CCDC85A: variants seen among roughly 807,000 people sequenced by gnomAD.
CCDC85A encodes the protein coiled-coil domain containing 85A.
CCDC85A carries 38 observed loss-of-function variants against 50.2 expected under a neutral mutation model. The ratio of observed to expected loss-of-function variants is 0.76; its 90% CI spans 0.58 to 0.99. CCDC85A has a LOEUF of 0.99. Among genes scored for constraint, CCDC85A ranks in the 50% least tolerant of loss-of-function variants. The pLI is 0.00. For missense variants in CCDC85A, 820 were observed against 742.0 expected (o/e 1.11, Z -1.22); for synonymous variants, 366 against 301.4 (o/e 1.21, Z -2.22).
rs576188186 is a variant in CCDC85A, at chr2:56,296,664, A to G, written c.1241-46215A>G. Among the ~76,000 whole-genome samples the G allele has an allele frequency of 2.0e-3, 304 of 152,298 alleles. 1 individual carries two copies. The highest frequency in any genetic ancestry group is 3.6e-3 in the Non-Finnish European group (247 of 68,032). On this transcript the variant is annotated intron_variant, in intron 2 of 5. Coordinates refer to ENST00000407595, the MANE Select transcript of CCDC85A (RefSeq NM_001080433.2). ...TTACAAAAGAGACATAGGACAGAACACCTGGGTTGTACATCTGGGGCATGA... is the reference window on the plus strand; with the variant it reads ...TTACAAAAGAGACATAGGACAGAACGCCTGGGTTGTACATCTGGGGCATGA...
chr2:56,356,890 A>G (rs1416453143), intron 3 of CCDC85A, among the ~76,000 whole-genome samples: 1 of 151,962 alleles, frequency 6.6e-6, no homozygotes, highest in Non-Finnish European at 1.5e-5. Context: ...TAACATGGTG[A>G]AACCCCATCT....
chr2:56,330,920 C>G lies in CCDC85A; in HGVS notation c.1241-11959C>G, dbSNP rs188372827. On this transcript the variant is annotated intron_variant, in intron 2 of 5. Transcript: ENST00000407595. ...TCATCATATCAAAAAGGTACCTGCA[C>G]TTGTATATTTATAGTAGCACATTTC... Among the ~76,000 whole-genome samples, 47 of 152,188 alleles carry G rather than the reference C, an allele frequency of 3.1e-4. 1 individual carries two copies. Among genetic ancestry groups the G allele is most frequent in the African/African-American group, 1.0e-3 (43 of 41,518 alleles).
intron 2 of CCDC85A, among the ~76,000 whole-genome samples, chr2:56,321,562 A>G (rs941841419): frequency 2.0e-5 from 3 of 152,200 alleles, no homozygotes; most frequent in Non-Finnish European, 2.9e-5. Context: ...AGAGAATACA[A>G]TACCTAGGAA....
chr2:56,194,198 G>C (rs144929666), intron 2 of CCDC85A, among the ~76,000 whole-genome samples: 1 of 152,224 alleles, frequency 6.6e-6, no homozygotes, highest in East Asian at 1.9e-4. Context: ...AAAATGTACA[G>C]ATGTGTTTGG....
Position 56,192,358 on chromosome 2 carries a change from C to T in CCDC85A, c.277-119C>T, listed in dbSNP as rs1480988398. The T allele has an allele frequency of 3.5e-6, 5 of 1,427,576 alleles. No homozygotes were observed. Among genetic ancestry groups the T allele is most frequent in the Non-Finnish European group, 4.7e-6 (5 of 1,061,926 alleles). 88.4% of individuals were successfully genotyped at this position (1,427,576 alleles called of 1,614,324 possible). A position where few individuals can be genotyped will look rare whatever the true frequency, so the allele number is the denominator to read the frequency against. Reference sequence around the variant, plus strand: ...TCTTCAGCTTCCTCCTACTCCCTCACCTCCTCCCCTAACCTCACAGGTAAT... The same window carrying T: ...TCTTCAGCTTCCTCCTACTCCCTCATCTCCTCCCCTAACCTCACAGGTAAT... On this transcript the variant is annotated intron_variant, in intron 1 of 5. Transcript: ENST00000407595. This position sits in a 1 kb window ranked among gnomAD's most constrained non-coding sequence, Gnocchi z 4.7.
intron 2 of CCDC85A, among the ~76,000 whole-genome samples, chr2:56,312,153 T>C (rs1365462781): frequency 1.3e-5 from 2 of 152,072 alleles, no homozygotes; most frequent in Non-Finnish European, 2.9e-5. Context: ...TGCAGACTAA[T>C]TTTTGAGGTG....
chr2:56,195,019 G>C (rs909137842), intron 2 of CCDC85A, among the ~76,000 whole-genome samples: 1 of 152,194 alleles, frequency 6.6e-6, no homozygotes, highest in East Asian at 1.9e-4. Flanking sequence ...TAATGGGAAG[G>C]TAAAGTTAAT....
intron 2 of CCDC85A, among the ~76,000 whole-genome samples, chr2:56,230,741 C>T (rs1448817129): frequency 2.6e-5 from 4 of 152,104 alleles, no homozygotes; most frequent in East Asian, 1.9e-4. Context: ...AAATTTATTT[C>T]GTTTTTTAAC....
chr2:56,288,824 A>C (rs932527950), intron 2 of CCDC85A, among the ~76,000 whole-genome samples: 5 of 152,210 alleles, frequency 3.3e-5, no homozygotes, highest in Non-Finnish European at 7.3e-5. Flanking sequence ...GTGAACCTTG[A>C]AAATGTGTAA....
intron 2 of CCDC85A, among the ~76,000 whole-genome samples, chr2:56,228,907 C>T (rs574504493): frequency 1.3e-5 from 2 of 152,254 alleles, no homozygotes; most frequent in African/African-American, 2.4e-5. Flanking sequence ...TTTTAACTAC[C>T]TTCTAAACTT....
intron 2 of CCDC85A, among the ~76,000 whole-genome samples, chr2:56,226,640 A>T (rs1023926798): frequency 1.3e-5 from 2 of 151,980 alleles, no homozygotes; most frequent in Non-Finnish European, 2.9e-5. Context: ...CCTTGGTATT[A>T]TGAATTTCAT....
rs1016878930 is a variant in CCDC85A, at chr2:56,184,512, G to A, written c.-113G>A. ...AACCCAGCGGCCCCTGGGCGGTGCCGCTGACTCGCCGGAGCGCACAGGGGT... is the reference window on the plus strand; with the variant it reads ...AACCCAGCGGCCCCTGGGCGGTGCCACTGACTCGCCGGAGCGCACAGGGGT... On this transcript the variant is annotated 5_prime_UTR_variant, in exon 1 of 6. Transcript: ENST00000407595. The A allele has an allele frequency of 1.1e-5, 13 of 1,181,832 alleles. No homozygotes were observed. The highest frequency in any genetic ancestry group is 1.3e-5 in the Non-Finnish European group (12 of 933,006). 73.2% of individuals were successfully genotyped at this position (1,181,832 alleles called of 1,614,324 possible). A position where few individuals can be genotyped will look rare whatever the true frequency, so the allele number is the denominator to read the frequency against.
In CCDC85A at chr2:56,248,194, C is replaced by T. The variant is rs116461839; in HGVS notation, c.1240+54754C>T. Among the ~76,000 whole-genome samples, 464 of 152,258 alleles carry T rather than the reference C, an allele frequency of 3.0e-3. 3 individuals are homozygous for T. Among genetic ancestry groups the T allele is most frequent in the African/African-American group, 0.011 (443 of 41,554 alleles). ...TCTGAATATTCCATAGAAACATTGGCGCTAGAGAAAGAATATTCTGCCAGC... is the reference window on the plus strand; with the variant it reads ...TCTGAATATTCCATAGAAACATTGGTGCTAGAGAAAGAATATTCTGCCAGC... On this transcript the variant is annotated intron_variant, in intron 2 of 5. Transcript: ENST00000407595.
rs564950772 is a variant in CCDC85A, at chr2:56,186,906, G to A, written c.276+2006G>A. On this transcript the variant is annotated intron_variant, in intron 1 of 5. Coordinates refer to ENST00000407595, the MANE Select transcript of CCDC85A (RefSeq NM_001080433.2). ...TGACCTGGCATTAAAAGACTTGCCA[G>A]TCTACTTCCTTATCAAGTTCAGAAA... is the stretch of plus-strand genomic sequence containing the variant. 3.3e-5 allele frequency among the ~76,000 whole-genome samples: 5 copies of A among 152,282 alleles called. No homozygotes were observed. The South Asian group carries it at 8.3e-4, about 25-fold the overall frequency.
intron 2 of CCDC85A, among the ~76,000 whole-genome samples, chr2:56,319,560 A>G (rs1255775731): frequency 6.6e-6 from 1 of 152,158 alleles, no homozygotes; most frequent in Non-Finnish European, 1.5e-5. Flanking sequence ...GTAAAATATA[A>G]CATATGGAAA....
intron 2 of CCDC85A, among the ~76,000 whole-genome samples, chr2:56,209,699 T>C (rs376220221): frequency 5.9e-5 from 9 of 152,224 alleles, no homozygotes; most frequent in African/African-American, 2.2e-4. Context: ...ATTTTGACTT[T>C]GTGGAGGTGC....
At chr2:56,361,783 C>T (rs910863810) in intron 3 of CCDC85A, among the ~76,000 whole-genome samples, 30 of 152,154 alleles carry the variant, frequency 2.0e-4, no homozygotes, top group African/African-American at 5.1e-4. Context: ...GGATATGAGT[C>T]GATGGAATGC....
chr2:56,346,415 C>T, intron 3 of CCDC85A, among the ~76,000 whole-genome samples: 1 of 152,248 alleles, frequency 6.6e-6, no homozygotes, highest in Middle Eastern at 3.4e-3. Context: ...AGGACTCTTT[C>T]ACAGATAAAG....
Position 56,218,654 on chromosome 2 carries a change from T to C in CCDC85A, c.1240+25214T>C, listed in dbSNP as rs376799730. Among the ~76,000 whole-genome samples, 12 of 152,002 alleles carry C rather than the reference T, an allele frequency of 7.9e-5. No homozygotes were observed. The East Asian group carries it at 1.7e-3, about 22-fold the overall frequency. ...AAATTTAACATTTGTCCCCCAAATA[T>C]CCTTTAGAGCTTGTTTGACCAGTCA... On this transcript the variant is annotated intron_variant, in intron 2 of 5. Transcript: ENST00000407595.
Sources: gnomAD v4.1 joint callset for allele counts (sites outside exome capture counted in the v4.1 genomes callset) on GRCh38, gnomAD v4.1.1 for gene constraint, Gnocchi (gnomAD v3.1) non-coding constraint, MANE v1.5 for transcripts, NCBI Gene and HGNC (gene_info 2026-07-23, HGNC 2026-07-21) for gene names.